The following ZBTB46 variants were observed in gnomAD, a reference collection of about 807,000 sequenced individuals.
ZBTB46 encodes the protein zinc finger and BTB domain containing 46.
In ZBTB46, 8 loss-of-function variants were observed where a neutral mutation model predicts 44.1. The ratio of observed to expected loss-of-function variants is 0.18; its 90% CI spans 0.11 to 0.33. The LOEUF (loss-of-function observed/expected upper bound fraction) is 0.33. Ranked by LOEUF, ZBTB46 falls within the 10% of genes least tolerant of loss-of-function variation. The pLI, the probability that ZBTB46 is intolerant of heterozygous loss-of-function variation, is 1.00. For synonymous variants in ZBTB46, 409 were observed against 382.3 expected, an observed-to-expected ratio of 1.07 and a Z score of -0.81; for missense variants, 651 against 847.7, an observed-to-expected ratio of 0.77 and a Z score of 2.88.
At chr20:63,791,495 C>CAA (rs59810640) in intron 1 of ZBTB46, among the ~76,000 whole-genome samples, 874 of 59,894 alleles carry the variant, frequency 0.015, 22 homozygotes, top group African/African-American at 0.031. Flanking sequence ...GACTCCATCT[C>CAA]AAAAAAAAAA....
intron 3 of ZBTB46, chr20:63,768,042 C>T: frequency 1.0e-6 from 1 of 985,456 alleles, no homozygotes; most frequent in South Asian, 4.7e-5. Context: ...AGCAAGACTT[C>T]TAGTGTGGAC....
At chr20:63,789,044 C>T (rs1235470122) in intron 2 of ZBTB46, among the ~76,000 whole-genome samples, 53 of 151,124 alleles carry the variant, frequency 3.5e-4, no homozygotes, top group African/African-American at 1.0e-3. Context: ...CTTGAACTCC[C>T]GACCTCAGGT....
intron 2 of ZBTB46, among the ~76,000 whole-genome samples, chr20:63,777,899 A>G (rs1227381014): frequency 1.3e-5 from 2 of 152,252 alleles, no homozygotes. Context: ...AGAACCACGC[A>G]GAGGAGCCTT....
chr20:63,772,210 G>C (rs1341382916), intron 3 of ZBTB46, among the ~76,000 whole-genome samples: 1 of 151,914 alleles, frequency 6.6e-6, no homozygotes, highest in Non-Finnish European at 1.5e-5. Flanking sequence ...TGGCCAGGCT[G>C]GTCTTGAACT....
Position 63,752,320 on chromosome 20 carries a change from G to C in ZBTB46, c.1398+366C>G, listed in dbSNP as rs974566276. On this transcript the variant is annotated intron_variant, in intron 4 of 4. Coordinates refer to ENST00000245663, the MANE Select transcript of ZBTB46 (RefSeq NM_001369741.1). This position sits in a 1 kb window ranked among gnomAD's most constrained non-coding sequence, Gnocchi z 5.6. ...TGGGCGCGGTGGGTGCAGACAGGTC[G>C]GCAGGCACAAGGACAGGGTTCTCCC... Among the ~76,000 whole-genome samples, 1 of 151,930 alleles carries C rather than the reference G, an allele frequency of 6.6e-6. No homozygotes were observed. Among genetic ancestry groups the C allele is most frequent in the Non-Finnish European group, 1.5e-5 (1 of 67,988 alleles).
chr20:63,782,184 C>T (rs1056707396), intron 2 of ZBTB46, among the ~76,000 whole-genome samples: 9 of 133,814 alleles, frequency 6.7e-5, no homozygotes, highest in South Asian at 2.6e-4. Flanking sequence ...CCTGCAGAGA[C>T]GCCCAGGCTG....
At chr20:63,750,931 C>G (rs2092154873) in intron 4 of ZBTB46, among the ~76,000 whole-genome samples, 1 of 152,020 alleles carries the variant, frequency 6.6e-6, no homozygotes, top group South Asian at 2.1e-4. Flanking sequence ...AAACCCTAAC[C>G]CTATCCAACG....
chr20:63,809,793 C>T (rs1441539684), intron 1 of ZBTB46, among the ~76,000 whole-genome samples: 1 of 151,938 alleles, frequency 6.6e-6, no homozygotes, highest in South Asian at 2.1e-4. Flanking sequence ...GAGACCCCAT[C>T]TCTACAAAAA....
intron 1 of ZBTB46, among the ~76,000 whole-genome samples, chr20:63,828,023 C>T (rs941710685): frequency 1.3e-5 from 2 of 152,244 alleles, no homozygotes; most frequent in South Asian, 4.1e-4. Context: ...TGGCCTCAAG[C>T]GGCCCGCCCG....
At chr20:63,829,667 A>G (rs1431268250) in intron 1 of ZBTB46, among the ~76,000 whole-genome samples, 2 of 152,236 alleles carry the variant, frequency 1.3e-5, no homozygotes, top group Non-Finnish European at 2.9e-5. Flanking sequence ...CGTAAAACAC[A>G]CCGAGCAGAA....
At chr20:63,793,720 C>T (rs1719426096) in intron 1 of ZBTB46, among the ~76,000 whole-genome samples, 1 of 152,238 alleles carries the variant, frequency 6.6e-6, no homozygotes, top group South Asian at 2.1e-4. Context: ...TTTATAGAAG[C>T]AGCGGCTACC....
intron 3 of ZBTB46, among the ~76,000 whole-genome samples, chr20:63,754,542 C>T (rs567106588): frequency 2.6e-5 from 4 of 152,162 alleles, no homozygotes; most frequent in East Asian, 1.9e-4. Context: ...GCGATCCTCC[C>T]GCCTTGGCCT....
At chr20:63,762,612 C>T (rs2092286538) in intron 3 of ZBTB46, among the ~76,000 whole-genome samples, 1 of 151,938 alleles carries the variant, frequency 6.6e-6, no homozygotes, top group Non-Finnish European at 1.5e-5. Flanking sequence ...CGAGATCGCG[C>T]CACTGCACTC....
chr20:63,772,656 C>G (rs1208321995), intron 3 of ZBTB46, among the ~76,000 whole-genome samples: 2 of 151,942 alleles, frequency 1.3e-5, no homozygotes, highest in Non-Finnish European at 2.9e-5. Context: ...GAGGCAGAGG[C>G]TGCAGCGAGC....
Position 63,746,839 on chromosome 20 carries a change from G to C in ZBTB46, c.*91C>G. 1.4e-6 allele frequency: 2 copies of C among 1,412,444 alleles called. No homozygotes were observed. The highest frequency in any genetic ancestry group is 1.5e-5 in the South Asian group (1 of 64,750). 87.5% of individuals were successfully genotyped at this position (1,412,444 alleles called of 1,614,324 possible). On this transcript the variant is annotated 3_prime_UTR_variant, in exon 5 of 5. Transcript: ENST00000245663. The stretch of plus-strand genomic sequence containing the variant: ...GCAGAGGAGGGGCCGCGAGAGGGGT[G>C]AGCGTGGCCCTGGCCCCGCAGTGGA...
At position 63,747,288 on chromosome 20, in the gene ZBTB46, T is replaced by C. The variant is rs1443010262; in HGVS notation, c.1412A>G (p.Asp471Gly). The C allele has an allele frequency of 7.0e-7, 1 of 1,429,262 alleles. No individual in the cohort carries two copies. Among genetic ancestry groups the C allele is most frequent in the South Asian group, 1.3e-5 (1 of 74,414 alleles). The allele number at this position is 1,429,262 out of a possible 1,614,324, so 88.5% of individuals were successfully genotyped here. The change falls in exon 5 of 5, where the codon GAC becomes GGC. Residue 471 changes from aspartate (D) to glycine (G), a missense_variant. Asp to Gly is a moderately conservative substitution (Grantham distance 94, BLOSUM62 -1). Coordinates refer to ENST00000245663, the MANE Select transcript of ZBTB46 (RefSeq NM_001369741.1). ...GCACACCTTGCACACATACTTCTTG[T>C]CCTTGCTGTGGACCTGCAGAGGCAG... The part of the protein sequence containing the change: ...MKRHTLVHSK[D>G]KKYVCKVCSR...
chr20:63,803,513 A>G lies in ZBTB46; in HGVS notation c.-33-12723T>C, dbSNP rs1426446116. 4 of 985,262 alleles carry G rather than the reference A, an allele frequency of 4.1e-6. No individual in the cohort carries two copies. The highest frequency in any genetic ancestry group is 4.8e-6 in the Non-Finnish European group (4 of 829,874). The allele number at this position is 985,262 out of a possible 1,614,324, so 61.0% of individuals were successfully genotyped here. On this transcript the variant is annotated intron_variant, in intron 1 of 4. Transcript: ENST00000245663. This position sits in a 1 kb window ranked among gnomAD's most constrained non-coding sequence, Gnocchi z 4.0. The stretch of plus-strand genomic sequence containing the variant: ...TTAGGTTTTCCACATGGCAGCCCCC[A>G]TGTGGCCATCTGAAGATGCAAAGCC...
chr20:63,804,305 G>A (rs1243300551), intron 1 of ZBTB46, among the ~76,000 whole-genome samples: 2 of 152,194 alleles, frequency 1.3e-5, no homozygotes, highest in Admixed American at 6.5e-5. Context: ...TGGGCACCCA[G>A]GAGGGGGCCG....
At chr20:63,816,976 T>C (rs2092762425) in intron 1 of ZBTB46, among the ~76,000 whole-genome samples, 1 of 152,058 alleles carries the variant, frequency 6.6e-6, no homozygotes. Context: ...TGGTGGCGCA[T>C]GCCTGTAATC....
Sources: gnomAD v4.1 joint callset for allele counts (sites outside exome capture counted in the v4.1 genomes callset) on GRCh38, gnomAD v4.1.1 for gene constraint, Gnocchi (gnomAD v3.1) non-coding constraint, MANE v1.5 for transcripts, NCBI Gene and HGNC (gene_info 2026-07-23, HGNC 2026-07-21) for gene names.